Variants in SLC38A11 observed in about 807,000 individuals in gnomAD.
SLC38A11 encodes solute carrier family 38 member 11.
In SLC38A11, 51 loss-of-function variants were observed where a neutral mutation model predicts 49.4. That is an observed-to-expected ratio of 1.03 (90% CI 0.83 to 1.30). The LOEUF is 1.30. Among genes scored for constraint, SLC38A11 ranks in the 50% most tolerant of loss-of-function variants. The probability of loss-of-function intolerance (pLI) is 0.00; values close to 1 mark genes in which losing one functional copy is unlikely to be tolerated. For synonymous variants in SLC38A11, 203 were observed against 192.9 expected, an observed-to-expected ratio of 1.05 and a Z score of -0.43; for missense variants, 574 against 556.2, an observed-to-expected ratio of 1.03 and a Z score of -0.32.
chr2:164,914,437 A>C (rs1467533943), intron 9 of SLC38A11, among the ~76,000 whole-genome samples: 1 of 152,036 alleles, frequency 6.6e-6, no homozygotes, highest in Non-Finnish European at 1.5e-5. Context: ...TTTAAGGGAA[A>C]CATGATGTTT....
At chr2:164,948,888 CT>C (rs67268569) in intron 3 of SLC38A11, among the ~76,000 whole-genome samples, 4,127 of 136,110 alleles carry the variant, frequency 0.03, 155 homozygotes, top group African/African-American at 0.096. Flanking sequence ...TGCTAACTCA[CT>C]TTTTTTTTTT....
At chr2:164,936,964 T>A (rs1156545326) in intron 7 of SLC38A11, among the ~76,000 whole-genome samples, 1 of 152,186 alleles carries the variant, frequency 6.6e-6, no homozygotes, top group East Asian at 1.9e-4. Context: ...AAAGGATGGT[T>A]TTCAAAGTGT....
chr2:164,951,051 A>G (rs1029757395), intron 3 of SLC38A11, among the ~76,000 whole-genome samples: 2 of 152,204 alleles, frequency 1.3e-5, no homozygotes, highest in African/African-American at 2.4e-5. Context: ...TAAATTTGCA[A>G]TATGTGAATT....
chr2:164,924,784 G>A (rs1686450087), intron 7 of SLC38A11, among the ~76,000 whole-genome samples: 1 of 151,764 alleles, frequency 6.6e-6, no homozygotes, highest in Non-Finnish European at 1.5e-5. Context: ...GCCCAGGCTG[G>A]AGTGCAGTGG....
At position 164,894,559 on chromosome 2, in the gene SLC38A11, C is replaced by T. The variant is rs1347633414; in HGVS notation, c.*3878G>A. Among the ~76,000 whole-genome samples, 1 of 152,098 alleles carries T rather than the reference C, an allele frequency of 6.6e-6. No individual in the cohort carries two copies. The highest frequency in any genetic ancestry group is 1.5e-5 in the Non-Finnish European group (1 of 68,028). On this transcript the variant is annotated 3_prime_UTR_variant, in exon 12 of 12. Transcript: ENST00000685975. Reference sequence around the variant, plus strand: ...GAAAACTTGGTGTTCTTTTGAGAAACTGATATATTTTCTTCATTCTCACAA... The same window carrying T: ...GAAAACTTGGTGTTCTTTTGAGAAATTGATATATTTTCTTCATTCTCACAA...
chr2:164,908,876 C>A, intron 10 of SLC38A11, 105 bp from the exon 11 acceptor site: 1 of 1,255,950 alleles, frequency 8.0e-7, no homozygotes, highest in Non-Finnish European at 1.1e-6. Context: ...ATACTACCAA[C>A]AAGGCTATTA....
chr2:164,905,345 A>G (rs1421040918), intron 11 of SLC38A11, among the ~76,000 whole-genome samples: 2 of 151,880 alleles, frequency 1.3e-5, no homozygotes, highest in African/African-American at 4.8e-5. Flanking sequence ...TTGGCCAAGC[A>G]GGTCTTGAAC....
chr2:164,918,565 G>A (rs761286400), intron 7 of SLC38A11, among the ~76,000 whole-genome samples: 5 of 152,026 alleles, frequency 3.3e-5, no homozygotes, highest in African/African-American at 4.8e-5. Flanking sequence ...TCTACTTAAG[G>A]GATGAAACCA....
chr2:164,913,275 T>C (rs545960484), intron 9 of SLC38A11, among the ~76,000 whole-genome samples: 2 of 152,138 alleles, frequency 1.3e-5, no homozygotes, highest in African/African-American at 4.8e-5. Context: ...CAAGGTTGAC[T>C]GAAAAGATTC....
At chr2:164,935,208 T>G (rs1178470748) in intron 7 of SLC38A11, among the ~76,000 whole-genome samples, 1 of 151,868 alleles carries the variant, frequency 6.6e-6, no homozygotes, top group Non-Finnish European at 1.5e-5. Context: ...AGTAAGCCCT[T>G]TGTCCATTGT....
At chr2:164,936,298 C>G (rs1185021848) in intron 7 of SLC38A11, among the ~76,000 whole-genome samples, 3 of 151,674 alleles carry the variant, frequency 2.0e-5, no homozygotes, top group African/African-American at 7.2e-5. Context: ...AGCTTGAGGC[C>G]TTTTTTTTGG....
chr2:164,945,237 G>A (rs1164402282), intron 4 of SLC38A11, among the ~76,000 whole-genome samples: 2 of 149,640 alleles, frequency 1.3e-5, no homozygotes, highest in East Asian at 2.0e-4. Flanking sequence ...CTAGTACACG[G>A]CTTCCACAAA....
rs181187466 is a variant in SLC38A11, at chr2:164,948,878, T to C, written c.230-3151A>G. Among the ~76,000 whole-genome samples the C allele has an allele frequency of 3.4e-3, 501 of 148,908 alleles. 8 individuals are homozygous for C. Among genetic ancestry groups the C allele is most frequent in the African/African-American group, 0.012 (465 of 40,376 alleles). ...CATTTCCATCTGCTTCCATTTTCTC[T>C]GCTAACTCACTTTTTTTTTTTTTTT... is the stretch of plus-strand genomic sequence containing the variant. On this transcript the variant is annotated intron_variant, in intron 3 of 11. Transcript: ENST00000685975.
At chr2:164,928,734 C>T (rs543890295) in intron 7 of SLC38A11, among the ~76,000 whole-genome samples, 14 of 152,102 alleles carry the variant, frequency 9.2e-5, no homozygotes, top group Non-Finnish European at 1.8e-4. Flanking sequence ...GAACCTACTC[C>T]TATTTACCGC....
At chr2:164,924,766 G>A (rs1177671735) in intron 7 of SLC38A11, among the ~76,000 whole-genome samples, 4 of 151,600 alleles carry the variant, frequency 2.6e-5, no homozygotes, top group South Asian at 2.1e-4. Flanking sequence ...ATGGAGTCTC[G>A]CTCTGTCGCC....
At chr2:164,906,112 T>A (rs1166252557) in intron 11 of SLC38A11, among the ~76,000 whole-genome samples, 5 of 151,984 alleles carry the variant, frequency 3.3e-5, no homozygotes, top group African/African-American at 9.7e-5. Context: ...CAAAAAAAAA[T>A]TTGTTGGGCT....
intron 11 of SLC38A11, among the ~76,000 whole-genome samples, chr2:164,903,157 AAAC>A (rs1435689010): frequency 4.0e-5 from 6 of 150,816 alleles, no homozygotes; most frequent in Admixed American, 6.7e-5. Context: ...CAATTTGTGA[AAAC>A]AACAAACAGT....
At chr2:164,916,868 C>G (rs554053908) in intron 7 of SLC38A11, among the ~76,000 whole-genome samples, 30 of 152,212 alleles carry the variant, frequency 2.0e-4, no homozygotes, top group South Asian at 1.5e-3. Flanking sequence ...TTCTTCTGGC[C>G]TCCTTCCACT....
intron 10 of SLC38A11, among the ~76,000 whole-genome samples, chr2:164,909,004 C>A (rs1685215240): frequency 6.6e-6 from 1 of 152,032 alleles, no homozygotes; most frequent in African/African-American, 2.4e-5. Context: ...TATTACAGAC[C>A]TATAGTGTGG....
Sources: gnomAD v4.1 joint callset for allele counts (sites outside exome capture counted in the v4.1 genomes callset) on GRCh38, gnomAD v4.1.1 for gene constraint, MANE v1.5 for transcripts, NCBI Gene and HGNC (gene_info 2026-07-23, HGNC 2026-07-21) for gene names.